The following DAGLA variants were observed in gnomAD, a reference collection of about 807,000 sequenced individuals.
The protein encoded by DAGLA is diacylglycerol lipase alpha, also known as diacylglycerol lipase-alpha.
In DAGLA, 22 loss-of-function variants were observed where a neutral mutation model predicts 102.6. The ratio of observed to expected loss-of-function variants is 0.21; its 90% CI spans 0.15 to 0.31. The LOEUF is 0.31. DAGLA is among the 10% of genes least tolerant of loss of function. The pLI, the probability that DAGLA is intolerant of heterozygous loss-of-function variation, is 1.00. For missense variants in DAGLA, 927 were observed against 1,446.6 expected (o/e 0.64, Z 5.83); for synonymous variants, 578 against 628.9 (o/e 0.92, Z 1.21).
In DAGLA at chr11:61,684,203, C is replaced by T. The variant is rs937028524; in HGVS notation, c.-45+3699C>T. Among the ~76,000 whole-genome samples the T allele has an allele frequency of 6.6e-6, 1 of 152,222 alleles. No homozygotes were observed. Among genetic ancestry groups the T allele is most frequent in the African/African-American group, 2.4e-5 (1 of 41,458 alleles). On this transcript the variant is annotated intron_variant, in intron 1 of 19. Transcript: ENST00000257215. This position sits in a 1 kb window ranked among gnomAD's most constrained non-coding sequence, Gnocchi z 4.5. ...CTCAGTGTTTAATCACCTGTTGGCC[C>T]ATCACTCTGTGATTTCAATTTCTCA...
intron 1 of DAGLA, among the ~76,000 whole-genome samples, chr11:61,697,359 G>T (rs1047808423): frequency 6.6e-6 from 1 of 152,210 alleles, no homozygotes; most frequent in Non-Finnish European, 1.5e-5. Context: ...ACTGAGATGG[G>T]CCCTCCAGGC....
At chr11:61,710,527 T>C (rs1468564211) in intron 1 of DAGLA, among the ~76,000 whole-genome samples, 1 of 152,092 alleles carries the variant, frequency 6.6e-6, no homozygotes. Context: ...TGGCTCAAGC[T>C]GTCCCAGGGG....
chr11:61,735,066 G>A (rs2135598632), intron 10 of DAGLA, 64 bp downstream of exon 10: 1 of 1,568,192 alleles, frequency 6.4e-7, no homozygotes, highest in South Asian at 1.1e-5. Context: ...AGGGTGCTGA[G>A]GCTATCCTTC....
chr11:61,699,815 G>T (rs549289968), intron 1 of DAGLA, among the ~76,000 whole-genome samples: 1 of 152,240 alleles, frequency 6.6e-6, no homozygotes, highest in South Asian at 2.1e-4. Flanking sequence ...ATAGGGCAGC[G>T]GGCCCACAGC....
chr11:61,688,938 C>A (rs1364386619), intron 1 of DAGLA, among the ~76,000 whole-genome samples: 3 of 152,230 alleles, frequency 2.0e-5, no homozygotes, highest in Non-Finnish European at 1.5e-5. Flanking sequence ...TGGGCTGGGG[C>A]TGGGGAAGAT....
chr11:61,744,116 G>C lies in DAGLA; in HGVS notation c.2756G>C (p.Ser919Thr), dbSNP rs2065512799. 1.9e-6 allele frequency: 3 copies of C among 1,612,916 alleles called. No homozygotes were observed. The highest frequency in any genetic ancestry group is 2.5e-6 in the Non-Finnish European group (3 of 1,179,996). ...CTGGAATTCGCCGAGTTCATCGACAGCCTCTTCAACCTGGACAGCAAGAGC... is the reference window on the plus strand; with the variant it reads ...CTGGAATTCGCCGAGTTCATCGACACCCTCTTCAACCTGGACAGCAAGAGC... ...QVLEFAEFID[S>T]LFNLDSKSSS... The change falls in exon 20 of 20, where the codon AGC (serine) becomes ACC (threonine). Residue 919 changes from serine to threonine, a missense_variant. By Grantham distance (58) the Ser-to-Thr change is moderately conservative. Transcript: ENST00000257215.
chr11:61,738,556 G>T (rs528816828), intron 16 of DAGLA, among the ~76,000 whole-genome samples: 2 of 152,224 alleles, frequency 1.3e-5, no homozygotes, highest in Admixed American at 6.5e-5. Flanking sequence ...GGCTTTGAGC[G>T]GTGAGGAAAG....
chr11:61,708,591 G>C (rs1278103985), intron 1 of DAGLA, among the ~76,000 whole-genome samples: 1 of 151,428 alleles, frequency 6.6e-6, no homozygotes, highest in Non-Finnish European at 1.5e-5. Context: ...CACCGTGTTA[G>C]CCAGGATGGT....
chr11:61,737,227 C>T lies in DAGLA; in HGVS notation c.1417C>T (p.Leu473=). The T allele has an allele frequency of 8.1e-6, 13 of 1,613,454 alleles. No individual in the cohort carries two copies. Among genetic ancestry groups the T allele is most frequent in the Non-Finnish European group, 1.0e-5 (12 of 1,180,020 alleles). ...HYGLIVVGHS[L]GAGTAAILSF... is the part of the protein sequence containing the mutation. ...CGGCCTGATTGTGGTGGGCCACTCC[C>T]TGGGCGCGGGCACTGCTGCCATCCT... The change falls in exon 14 of 20, where the codon CTG becomes TTG. Residue 473 remains leucine (L), a synonymous_variant. Coordinates refer to ENST00000257215, the MANE Select transcript of DAGLA (RefSeq NM_006133.3).
chr11:61,717,761 C>T (rs996452191), intron 1 of DAGLA, among the ~76,000 whole-genome samples: 6 of 152,148 alleles, frequency 3.9e-5, no homozygotes, highest in East Asian at 1.9e-4. Flanking sequence ...CCAGGAGCCC[C>T]GCCTCATACT....
intron 3 of DAGLA, among the ~76,000 whole-genome samples, chr11:61,722,478 C>G (rs1023164034): frequency 3.3e-5 from 5 of 152,150 alleles, no homozygotes; most frequent in African/African-American, 9.7e-5. Flanking sequence ...CCCATCTACC[C>G]TAGGGACTGA....
intron 1 of DAGLA, among the ~76,000 whole-genome samples, chr11:61,704,156 G>C (rs923798286): frequency 2.7e-5 from 4 of 145,838 alleles, no homozygotes; most frequent in Non-Finnish European, 5.9e-5. Context: ...GTCTCACTCT[G>C]TCACCCAGGC....
In DAGLA at chr11:61,743,544, G is replaced by A; in HGVS notation, c.2184G>A (p.Gln728=). ...HRNSSVRSKS[Q]SEMSLEGFSE... is the part of the protein sequence containing the mutation. ...TCTCCCTCTGCAGGAGCAAGTCCCAGTCTGAGATGAGCCTGGAGGGCTTCT... is the reference window on the plus strand; with the variant it reads ...TCTCCCTCTGCAGGAGCAAGTCCCAATCTGAGATGAGCCTGGAGGGCTTCT... Residue 728 remains glutamine (Q), a synonymous_variant, in exon 20 of 20, where the codon CAG becomes CAA. Transcript: ENST00000257215. 1 of 1,522,498 alleles carries A rather than the reference G, an allele frequency of 6.6e-7. No homozygotes were observed. The highest frequency in any genetic ancestry group is 8.8e-7 in the Non-Finnish European group (1 of 1,140,746). The allele number at this position is 1,522,498 out of a possible 1,614,324, so 94.3% of individuals were successfully genotyped here. A position where few individuals can be genotyped will look rare whatever the true frequency, so the allele number is the denominator to read the frequency against.
chr11:61,729,793 C>T (rs1365038471), intron 8 of DAGLA, among the ~76,000 whole-genome samples: 1 of 152,110 alleles, frequency 6.6e-6, no homozygotes, highest in African/African-American at 2.4e-5. Context: ...GTCCTTTAGG[C>T]CACGTGTGCT....
chr11:61,720,538 G>C, intron 2 of DAGLA, 141 bp from the exon 3 acceptor site: 1 of 792,476 alleles, frequency 1.3e-6, no homozygotes, highest in Non-Finnish European at 2.1e-6. Context: ...TCGATGCCAG[G>C]TGGACAATGG....
intron 8 of DAGLA, among the ~76,000 whole-genome samples, chr11:61,730,274 G>T (rs1408692282): frequency 6.6e-6 from 1 of 151,848 alleles, no homozygotes; most frequent in African/African-American, 2.4e-5. Context: ...GAGCGGGGAG[G>T]GCAGGCAGCT....
At chr11:61,721,930 G>A (rs1338167342) in intron 3 of DAGLA, among the ~76,000 whole-genome samples, 2 of 152,248 alleles carry the variant, frequency 1.3e-5, no homozygotes, top group African/African-American at 2.4e-5. Context: ...TGGTCTCTGA[G>A]CTGCCACACT....
At chr11:61,692,748 A>G (rs975438022) in intron 1 of DAGLA, among the ~76,000 whole-genome samples, 14 of 152,106 alleles carry the variant, frequency 9.2e-5, no homozygotes, top group Non-Finnish European at 1.9e-4. Flanking sequence ...GAAGAGGGAA[A>G]CAACCCAACA....
At chr11:61,710,423 A>G (rs1329624605) in intron 1 of DAGLA, among the ~76,000 whole-genome samples, 1 of 151,922 alleles carries the variant, frequency 6.6e-6, no homozygotes, top group Non-Finnish European at 1.5e-5. Context: ...ACACCCTGAA[A>G]CTCAAACATG....
Sources: allele counts gnomAD v4.1 joint callset (sites outside exome capture counted in the v4.1 genomes callset), GRCh38; gene constraint gnomAD v4.1.1; non-coding constraint Gnocchi (gnomAD v3.1); transcripts MANE v1.5; gene names NCBI Gene and HGNC (gene_info 2026-07-23, HGNC 2026-07-21).